Variants in PPCDC observed in about 807,000 individuals in gnomAD.
PPCDC encodes the protein phosphopantothenoylcysteine decarboxylase.
PPCDC carries 20 observed loss-of-function variants against 20.7 expected under a neutral mutation model. The observed-to-expected ratio is 0.97, with a 90% CI of 0.68 to 1.41. PPCDC has a LOEUF of 1.41. Ranked by LOEUF, PPCDC falls within the 40% of genes most tolerant of loss-of-function variation. The probability of loss-of-function intolerance (pLI) is 0.00; values close to 1 mark genes in which losing one functional copy is unlikely to be tolerated. For missense variants in PPCDC, 246 were observed against 263.8 expected (o/e 0.93, Z 0.47); for synonymous variants, 88 against 100.3 (o/e 0.88, Z 0.73).
intron 2 of PPCDC, among the ~76,000 whole-genome samples, chr15:75,033,081 G>A (rs2066043159): frequency 6.6e-6 from 1 of 152,294 alleles, no homozygotes; most frequent in Non-Finnish European, 1.5e-5. Flanking sequence ...GGGATTACAA[G>A]CATGTGCCAC....
At chr15:75,036,027 C>T (rs891843349) in intron 2 of PPCDC, among the ~76,000 whole-genome samples, 13 of 151,572 alleles carry the variant, frequency 8.6e-5, no homozygotes, top group East Asian at 7.8e-4. Flanking sequence ...GGGACTAAGC[C>T]GGGAGCTGCC....
intron 4 of PPCDC, among the ~76,000 whole-genome samples, chr15:75,045,979 G>C (rs970715392): frequency 1.3e-5 from 2 of 151,784 alleles, no homozygotes; most frequent in Non-Finnish European, 1.5e-5. Context: ...GGGAGGCTGA[G>C]GCAGGAAAAT....
At position 75,028,331 on chromosome 15, in the gene PPCDC, G is replaced by A; in HGVS notation, c.13G>A (p.Ala5Thr). MEPK[A>T]SCPAAAPLME... The stretch of plus-strand genomic sequence containing the variant: ...CACCAGACCCCACATGGAACCAAAG[G>A]CCTCCTGTCCAGCTGCTGCACCCTT... The change falls in exon 2 of 6, where the codon GCC becomes ACC. Residue 5 changes from alanine (A) to threonine (T), a missense_variant. Physicochemically the swap from Ala to Thr is moderately conservative, Grantham distance 58. Transcript: ENST00000342932. 1 of 1,614,066 alleles carries A rather than the reference G, an allele frequency of 6.2e-7. No homozygotes were observed. Among genetic ancestry groups the A allele is most frequent in the African/African-American group, 1.3e-5 (1 of 75,004 alleles).
At chr15:75,024,314 A>C (rs1017315403) in intron 1 of PPCDC, among the ~76,000 whole-genome samples, 20 of 151,164 alleles carry the variant, frequency 1.3e-4, no homozygotes, top group African/African-American at 4.4e-4. Flanking sequence ...TGTGTGTTAG[A>C]TACATTTATC....
At chr15:75,044,681 TA>T in intron 4 of PPCDC, 167 bp downstream of exon 4, 1 of 914,962 alleles carries the variant, frequency 1.1e-6, no homozygotes, top group Non-Finnish European at 1.6e-6. Flanking sequence ...ACCTTCTCTG[TA>T]GCACATGGGC....
At chr15:75,044,108 C>T (rs955507537) in intron 3 of PPCDC, among the ~76,000 whole-genome samples, 6 of 146,268 alleles carry the variant, frequency 4.1e-5, no homozygotes, top group Non-Finnish European at 8.9e-5. Flanking sequence ...CTCAAGCAGA[C>T]AGGCCGGGAG....
chr15:75,041,989 C>G (rs35373072), intron 2 of PPCDC, among the ~76,000 whole-genome samples: 18,002 of 152,266 alleles, frequency 0.12, 1,209 homozygotes, highest in Middle Eastern at 0.28. Context: ...GTCGCTCTCA[C>G]GTAGGAATGT....
At position 75,043,844 on chromosome 15, in the gene PPCDC, T is replaced by C. The variant is rs2141496570; in HGVS notation, c.231+308T>C. 4 of 337,018 alleles carry C rather than the reference T, an allele frequency of 1.2e-5. No individual in the cohort carries two copies. The South Asian group carries it at 1.4e-4, about 11-fold the overall frequency. 20.9% of individuals were successfully genotyped at this position (337,018 alleles called of 1,614,324 possible). ...GTTCCCACCACCCTTGTCCACGTGGTTCCTGGCGTCAGGGCTGAAGAGAAC... is the reference window on the plus strand; with the variant it reads ...GTTCCCACCACCCTTGTCCACGTGGCTCCTGGCGTCAGGGCTGAAGAGAAC... On this transcript the variant is annotated intron_variant, in intron 3 of 5. Coordinates refer to ENST00000342932, the MANE Select transcript of PPCDC (RefSeq NM_021823.5).
Position 75,028,257 on chromosome 15 carries a change from C to A in PPCDC, c.-62C>A, listed in dbSNP as rs1472628011. 1.3e-6 allele frequency: 2 copies of A among 1,579,096 alleles called. No individual in the cohort carries two copies. The highest frequency in any genetic ancestry group is 2.8e-5 in the African/African-American group (2 of 72,526). ...TTGTTCTCCTTTTAGATCCTAAATC[C>A]CGACAGCTTTATAGAGCCCAGGCCT... On this transcript the variant is annotated 5_prime_UTR_variant, in exon 2 of 6. Transcript: ENST00000342932.
rs377448748 is a variant in PPCDC at position 75,044,691 on chromosome 15, G to A, written c.360+177G>A. On this transcript the variant is annotated intron_variant, in intron 4 of 5. Transcript: ENST00000342932. ...CTCTCACCTTCTCTGTAGCACATGG[G>A]CACAGCCCTGGTCCTGATGGGTCAG... is the stretch of plus-strand genomic sequence containing the variant. 178 of 828,904 alleles carry A rather than the reference G, an allele frequency of 2.1e-4. 1 individual carries two copies. In the East Asian group the frequency reaches 4.5e-3, roughly 21 times the overall value. 51.3% of individuals were successfully genotyped at this position (828,904 alleles called of 1,614,324 possible).
At chr15:75,044,035 C>T (rs1274480868) in intron 3 of PPCDC, among the ~76,000 whole-genome samples, 1 of 148,180 alleles carries the variant, frequency 6.7e-6, no homozygotes, top group Admixed American at 6.7e-5. Flanking sequence ...TTCCCCGCCC[C>T]CACCCCCTCC....
chr15:75,035,432 G>A (rs928707102), intron 2 of PPCDC, among the ~76,000 whole-genome samples: 1 of 152,138 alleles, frequency 6.6e-6, no homozygotes, highest in African/African-American at 2.4e-5. Context: ...CCACACTAGG[G>A]GCCTGAAGTA....
At chr15:75,034,015 C>G (rs1018795827) in intron 2 of PPCDC, among the ~76,000 whole-genome samples, 1 of 152,168 alleles carries the variant, frequency 6.6e-6, no homozygotes, top group Non-Finnish European at 1.5e-5. Flanking sequence ...ACGACTGTTT[C>G]CTGCAGAGCC....
At chr15:75,039,500 C>A (rs1238253688) in intron 2 of PPCDC, among the ~76,000 whole-genome samples, 1 of 152,180 alleles carries the variant, frequency 6.6e-6, no homozygotes, top group African/African-American at 2.4e-5. Context: ...TTTAGCTGTT[C>A]CTTCTACAGG....
At chr15:75,033,337 A>C (rs1430074822) in intron 2 of PPCDC, among the ~76,000 whole-genome samples, 1 of 152,218 alleles carries the variant, frequency 6.6e-6, no homozygotes, top group Non-Finnish European at 1.5e-5. Flanking sequence ...GACCCCTGGT[A>C]TGCAGCCTGA....
intron 4 of PPCDC, among the ~76,000 whole-genome samples, chr15:75,046,685 G>C (rs1022702111): frequency 4.6e-5 from 7 of 152,248 alleles, no homozygotes; most frequent in African/African-American, 7.2e-5. Flanking sequence ...TCCTCTCTCT[G>C]TAGCTGTTTT....
intron 4 of PPCDC, among the ~76,000 whole-genome samples, chr15:75,047,551 G>C (rs554946564): frequency 1.3e-4 from 20 of 152,300 alleles, no homozygotes; most frequent in Non-Finnish European, 7.4e-5. Flanking sequence ...GGAGTAGTCA[G>C]AGCACTGGGA....
At chr15:75,027,755 C>T (rs1027579298) in intron 1 of PPCDC, among the ~76,000 whole-genome samples, 1 of 152,154 alleles carries the variant, frequency 6.6e-6, no homozygotes, top group Admixed American at 6.5e-5. Flanking sequence ...CCCTCGCTGC[C>T]CACGGCATTC....
chr15:75,045,188 TCTC>T (rs1215446930), intron 4 of PPCDC: 1 of 153,114 alleles, frequency 6.5e-6, no homozygotes, highest in African/African-American at 2.4e-5. Context: ...GTGTGATTTC[TCTC>T]CTCCTTCTCC....
Sources: gnomAD v4.1 joint callset for allele counts (sites outside exome capture counted in the v4.1 genomes callset) on GRCh38, gnomAD v4.1.1 for gene constraint, MANE v1.5 for transcripts, NCBI Gene and HGNC (gene_info 2026-07-23, HGNC 2026-07-21) for gene names.